Variants in PDE9A observed in about 807,000 individuals in gnomAD.
PDE9A encodes phosphodiesterase 9A, also known as high affinity cGMP-specific 3',5'-cyclic phosphodiesterase 9A.
In PDE9A, 60 loss-of-function variants were observed where a neutral mutation model predicts 87.4. The observed-to-expected ratio is 0.69, with a 90% CI of 0.56 to 0.85. The LOEUF (loss-of-function observed/expected upper bound fraction) is 0.85. Ranked by LOEUF, PDE9A falls within the 40% of genes least tolerant of loss-of-function variation. The pLI is 0.00. For synonymous variants in PDE9A, 272 were observed against 279.4 expected (o/e 0.97, Z 0.27); for missense variants, 665 against 779.0 (o/e 0.85, Z 1.74).
intron 8 of PDE9A, among the ~76,000 whole-genome samples, chr21:42,748,308 G>A (rs376340856): frequency 1.1e-4 from 17 of 152,188 alleles, no homozygotes; most frequent in African/African-American, 3.9e-4. Context: ...TCATTTGATT[G>A]GTGCATTTTG....
chr21:42,745,087 G>C (rs1411503978), intron 8 of PDE9A, among the ~76,000 whole-genome samples: 1 of 152,238 alleles, frequency 6.6e-6, no homozygotes, highest in East Asian at 1.9e-4. Flanking sequence ...CTGGCATGCT[G>C]ACGATCATTC....
rs140222659 is a variant in PDE9A, at chr21:42,736,556, G to A, written c.568+3130G>A. ...CACTGCACTGACCAAAATTCCTGGC[G>A]CTTCTATGGGTAAAACCGGTTGTGA... On this transcript the variant is annotated intron_variant, in intron 7 of 19. Transcript: ENST00000291539. Among the ~76,000 whole-genome samples the A allele has an allele frequency of 8.3e-4, 126 of 152,322 alleles. 3 individuals carry two copies. In the East Asian group the frequency reaches 0.022, roughly 27 times the overall value.
At chr21:42,714,331 A>G (rs1486627346) in intron 4 of PDE9A, among the ~76,000 whole-genome samples, 1 of 152,098 alleles carries the variant, frequency 6.6e-6, no homozygotes, top group Non-Finnish European at 1.5e-5. Context: ...CTTTTATTTT[A>G]CGTACAGATC....
At chr21:42,719,771 G>A (rs978956455) in intron 4 of PDE9A, among the ~76,000 whole-genome samples, 3 of 152,030 alleles carry the variant, frequency 2.0e-5, no homozygotes, top group Admixed American at 6.6e-5. Context: ...TTTTTACAGC[G>A]ATCAGATGGT....
At chr21:42,703,433 G>A (rs1602150785) in intron 4 of PDE9A, among the ~76,000 whole-genome samples, 1 of 152,228 alleles carries the variant, frequency 6.6e-6, no homozygotes, top group Non-Finnish European at 1.5e-5. Flanking sequence ...CAGAGGGGAA[G>A]CCATAAAGCC....
Position 42,760,988 on chromosome 21 carries a change from G to A in PDE9A, c.1085+81G>A, listed in dbSNP as rs1320811714. The A allele has an allele frequency of 2.2e-6, 2 of 895,068 alleles. No individual in the cohort carries two copies. Among genetic ancestry groups the A allele is most frequent in the Admixed American group, 3.6e-5 (2 of 56,206 alleles). The allele number at this position is 895,068 out of a possible 1,614,324, so 55.4% of individuals were successfully genotyped here. A position where few individuals can be genotyped will look rare whatever the true frequency, so the allele number is the denominator to read the frequency against. On this transcript the variant is annotated intron_variant, in intron 13 of 19. Transcript: ENST00000291539. The surrounding 1 kb of genome is among the most constrained non-coding windows in gnomAD (Gnocchi z 5.2). ...GGAACCTGTCAGCCCAACCCTCAGA[G>A]CAGTTCCCAGATGGAGCTGTCAACG...
At chr21:42,761,108 C>A (rs954743977) in intron 13 of PDE9A, among the ~76,000 whole-genome samples, 8 of 152,348 alleles carry the variant, frequency 5.3e-5, no homozygotes, top group Middle Eastern at 3.4e-3. Context: ...TAGGAACTTT[C>A]AGGATTATCA....
intron 2 of PDE9A, among the ~76,000 whole-genome samples, chr21:42,686,580 C>T (rs141911244): frequency 4.0e-5 from 6 of 151,850 alleles, no homozygotes; most frequent in Admixed American, 3.3e-4. Flanking sequence ...TTTGAGAGGC[C>T]GAGGTGGGCA....
chr21:42,690,815 C>T (rs62215402), intron 3 of PDE9A, among the ~76,000 whole-genome samples: 16,380 of 152,140 alleles, frequency 0.11, 1,165 homozygotes, highest in East Asian at 0.34. Context: ...CCTGTACCCA[C>T]GCCCGCACCA....
chr21:42,666,638 C>T (rs1189085731), intron 1 of PDE9A, among the ~76,000 whole-genome samples: 5 of 152,210 alleles, frequency 3.3e-5, no homozygotes, highest in African/African-American at 1.2e-4. Flanking sequence ...CCTGGGCTGG[C>T]ACCTCCTCCC....
chr21:42,698,204 C>G (rs113672890), intron 3 of PDE9A, among the ~76,000 whole-genome samples: 1 of 152,244 alleles, frequency 6.6e-6, no homozygotes, highest in African/African-American at 2.4e-5. Flanking sequence ...CCACCAGCAA[C>G]ACCTGTGATG....
At chr21:42,738,487 C>T (rs1464353913) in intron 7 of PDE9A, among the ~76,000 whole-genome samples, 1 of 152,114 alleles carries the variant, frequency 6.6e-6, no homozygotes, top group Non-Finnish European at 1.5e-5. Flanking sequence ...TCCTGAGCCT[C>T]GGCTCAGCTC....
At chr21:42,663,892 G>T (rs2057776702) in intron 1 of PDE9A, among the ~76,000 whole-genome samples, 1 of 152,196 alleles carries the variant, frequency 6.6e-6, no homozygotes, top group South Asian at 2.1e-4. Flanking sequence ...AATCTCCCAG[G>T]TGTTGATGGC....
chr21:42,709,280 TAA>T, intron 4 of PDE9A, among the ~76,000 whole-genome samples: 1 of 152,096 alleles, frequency 6.6e-6, no homozygotes, highest in East Asian at 1.9e-4. Flanking sequence ...GGGAGGGGAA[TAA>T]CACACACTGG....
At chr21:42,752,652 T>C (rs1281730012) in intron 9 of PDE9A, among the ~76,000 whole-genome samples, 3 of 152,216 alleles carry the variant, frequency 2.0e-5, no homozygotes, top group African/African-American at 7.2e-5. Flanking sequence ...CAGGGAGCCG[T>C]GAAGCACAGC....
In PDE9A at chr21:42,695,084, C is replaced by T. The variant is rs888672920; in HGVS notation, c.219-3884C>T. 2.6e-5 allele frequency among the ~76,000 whole-genome samples: 4 copies of T among 152,212 alleles called. No homozygotes were observed. The highest frequency in any genetic ancestry group is 4.4e-5 in the Non-Finnish European group (3 of 68,042). Reference sequence around the variant, plus strand: ...CCTGGACGTTTGGTGCAATCTGGAGCACGCTCAAGCCGGCATTTGAAATAA... The same window carrying T: ...CCTGGACGTTTGGTGCAATCTGGAGTACGCTCAAGCCGGCATTTGAAATAA... On this transcript the variant is annotated intron_variant, in intron 3 of 19. Transcript: ENST00000291539. The surrounding 1 kb of genome is among the most constrained non-coding windows in gnomAD (Gnocchi z 4.3).
intron 15 of PDE9A, among the ~76,000 whole-genome samples, chr21:42,766,461 A>G (rs1016891012): frequency 6.6e-6 from 1 of 152,176 alleles, no homozygotes; most frequent in African/African-American, 2.4e-5. Flanking sequence ...TCTGTTTAAA[A>G]TCAATAGCAT....
chr21:42,772,888 C>T (rs931873336), intron 19 of PDE9A, among the ~76,000 whole-genome samples: 1 of 151,286 alleles, frequency 6.6e-6, no homozygotes, highest in African/African-American at 2.4e-5. Context: ...CCCACCTCGG[C>T]CTCCCAAAGT....
chr21:42,703,175 C>T (rs764688335), intron 4 of PDE9A, among the ~76,000 whole-genome samples: 5 of 152,224 alleles, frequency 3.3e-5, no homozygotes, highest in Admixed American at 6.5e-5. Flanking sequence ...CTGAGCGCCA[C>T]GGCCCAGGGA....
Sources: gnomAD v4.1 joint callset for allele counts (sites outside exome capture counted in the v4.1 genomes callset) on GRCh38, gnomAD v4.1.1 for gene constraint, Gnocchi (gnomAD v3.1) non-coding constraint, MANE v1.5 for transcripts, NCBI Gene and HGNC (gene_info 2026-07-23, HGNC 2026-07-21) for gene names.